Variants in DDX6 observed in about 807,000 individuals in gnomAD.
DDX6 encodes the protein probable ATP-dependent RNA helicase DDX6.
DDX6 carries 7 observed loss-of-function variants against 60.6 expected under a neutral mutation model. The observed-to-expected ratio is 0.12, with a 90% CI of 0.07 to 0.22. The LOEUF (loss-of-function observed/expected upper bound fraction) is 0.22, where lower values mean the gene tolerates loss of function less well. Among genes scored for constraint, DDX6 ranks in the 10% least tolerant of loss-of-function variants. DDX6 has a pLI of 1.00. For missense variants in DDX6, 270 were observed against 589.9 expected (o/e 0.46, Z 5.62); for synonymous variants, 207 against 201.0 (o/e 1.03, Z -0.25).
At chr11:118,784,027 G>A (rs1861991223) in intron 2 of DDX6, among the ~76,000 whole-genome samples, 1 of 145,726 alleles carries the variant, frequency 6.9e-6, no homozygotes, top group Admixed American at 7.1e-5. Context: ...AGTTGAGGCT[G>A]CAGTGAGCCA....
chr11:118,749,373 A>AAAAAAAAAAAAAC lies in DDX6; in HGVS notation c.*2731_*2732insGTTTTTTTTTTTT, dbSNP rs1860675373. On this transcript the variant is annotated 3_prime_UTR_variant, in exon 14 of 14. Transcript: ENST00000534980. ...AAAAAAGAAAGAAAAAAAAAAAAAAAAAAAAAAAGACCAGGCTTTGACCTA... is the reference window on the plus strand; with the variant it reads ...AAAAAAGAAAGAAAAAAAAAAAAAAAAAAAAAAAAAAACAAAAAAAAGACCAGGCTTTGACCTA... 1 of 149,872 alleles carries AAAAAAAAAAAAAC rather than the reference A, an allele frequency of 6.7e-6. No homozygotes were observed. The highest frequency in any genetic ancestry group is 1.5e-5 in the Non-Finnish European group (1 of 67,326). 9.3% of individuals were successfully genotyped at this position (149,872 alleles called of 1,614,324 possible).
chr11:118,781,016 T>C (rs1390289501), intron 3 of DDX6, 105 bp downstream of exon 3: 3 of 691,264 alleles, frequency 4.3e-6, no homozygotes, highest in Middle Eastern at 2.4e-4. Flanking sequence ...AGGGTGGCAG[T>C]GGTGTTATGG....
rs782743103 is a variant in DDX6 at position 118,762,273 on chromosome 11, CA to C, written c.741+938del. On this transcript the variant is annotated intron_variant, in intron 7 of 13. Coordinates refer to ENST00000534980, the MANE Select transcript of DDX6 (RefSeq NM_004397.6). ...TCTGGGTGACAGAGTGAGTCTGTCTCAAAAAAAAAAAAATAATAATAATAAT... is the reference window on the plus strand; with the variant it reads ...TCTGGGTGACAGAGTGAGTCTGTCTCAAAAAAAAAAAATAATAATAATAAT... Among the ~76,000 whole-genome samples, 1,189 of 131,830 alleles carry C rather than the reference CA, an allele frequency of 9.0e-3. 19 individuals are homozygous for C. The highest frequency in any genetic ancestry group is 0.031 in the African/African-American group (1,093 of 35,796). The allele number at this position is 131,830 out of a possible 152,430, so 86.5% of individuals were successfully genotyped here.
chr11:118,779,322 AAAC>A (rs1481531315), intron 4 of DDX6, among the ~76,000 whole-genome samples: 6 of 152,186 alleles, frequency 3.9e-5, no homozygotes, highest in African/African-American at 1.4e-4. Context: ...TAGAAGAAAA[AAAC>A]TGCTATAAAG....
At chr11:118,772,490 G>C (rs560146192) in intron 4 of DDX6, among the ~76,000 whole-genome samples, 27 of 152,182 alleles carry the variant, frequency 1.8e-4, no homozygotes, top group Non-Finnish European at 3.4e-4. Flanking sequence ...GGTTGTTTAG[G>C]GGTGTGGGAA....
chr11:118,783,511 T>C (rs1239584968), intron 2 of DDX6, among the ~76,000 whole-genome samples: 2 of 152,040 alleles, frequency 1.3e-5, no homozygotes, highest in African/African-American at 2.4e-5. Context: ...AAATAGAAAA[T>C]ATTCTCATAG....
chr11:118,781,196 A>G lies in DDX6; in HGVS notation c.201-12T>C. On this transcript the variant is annotated splice_polypyrimidine_tract_variant and intron_variant, in intron 2 of 13. Coordinates refer to ENST00000534980, the MANE Select transcript of DDX6 (RefSeq NM_004397.6). ...AGTCATCACCAGGTCTAGAGAGAAT[A>G]CAGTAAACTTGAAGTATCAAAATTC... 6.4e-7 allele frequency: 1 copy of G among 1,567,424 alleles called. No homozygotes were observed. Among genetic ancestry groups the G allele is most frequent in the Non-Finnish European group, 8.7e-7 (1 of 1,144,136 alleles).
intron 10 of DDX6, among the ~76,000 whole-genome samples, chr11:118,756,542 A>C (rs1860983742): frequency 6.6e-6 from 1 of 152,204 alleles, no homozygotes; most frequent in Non-Finnish European, 1.5e-5. Flanking sequence ...CAAAAAAGTC[A>C]TTTTTGTTAC....
chr11:118,779,228 AAAG>A (rs1468824548), intron 4 of DDX6, among the ~76,000 whole-genome samples: 8 of 152,122 alleles, frequency 5.3e-5, no homozygotes, highest in South Asian at 2.1e-4. Context: ...GATGTCATAA[AAAG>A]AAGAACAAAC....
intron 3 of DDX6, among the ~76,000 whole-genome samples, chr11:118,780,577 A>G (rs1591920689): frequency 6.6e-6 from 1 of 152,188 alleles, no homozygotes; most frequent in Non-Finnish European, 1.5e-5. Flanking sequence ...TCGGCCTCCC[A>G]AAGTGCTGGG....
rs142964083 is a variant in DDX6 at position 118,780,509 on chromosome 11, G to A, written c.264+612C>T. Among the ~76,000 whole-genome samples the A allele has an allele frequency of 8.9e-3, 1,355 of 152,228 alleles. 20 individuals are homozygous for A. The highest frequency in any genetic ancestry group is 0.031 in the African/African-American group (1,288 of 41,544). ...TTTTTGTATTTTTAGTAGAGACAGGGTTTCAACATGTTGGCCAGGCTGGTC... is the reference window on the plus strand; with the variant it reads ...TTTTTGTATTTTTAGTAGAGACAGGATTTCAACATGTTGGCCAGGCTGGTC... On this transcript the variant is annotated intron_variant, in intron 3 of 13. Transcript: ENST00000534980.
intron 2 of DDX6, among the ~76,000 whole-genome samples, chr11:118,785,682 TTAAC>T (rs1249856246): frequency 2.6e-5 from 4 of 152,228 alleles, no homozygotes; most frequent in East Asian, 1.9e-4. Flanking sequence ...TATCTGCTGT[TTAAC>T]TAGGGTAAGG....
intron 13 of DDX6, 115 bp downstream of exon 13, chr11:118,754,590 G>T: frequency 1.2e-6 from 1 of 854,116 alleles, no homozygotes. Flanking sequence ...ATGCTAGTGG[G>T]TATTTTACCC....
rs377362009 is a variant in DDX6 at position 118,781,112 on chromosome 11, C to G, written c.264+9G>C. ...CCATTATTCTACTTGTATTTTACAA[C>G]CAACTTACCGAAGTTTTGATTCTTA... On this transcript the variant is annotated intron_variant, in intron 3 of 13. Transcript: ENST00000534980. The G allele has an allele frequency of 1.9e-6, 3 of 1,584,404 alleles. No homozygotes were observed. Among genetic ancestry groups the G allele is most frequent in the Non-Finnish European group, 2.6e-6 (3 of 1,158,164 alleles).
At chr11:118,777,336 G>A (rs117062841) in intron 4 of DDX6, among the ~76,000 whole-genome samples, 1 of 152,076 alleles carries the variant, frequency 6.6e-6, no homozygotes, top group Non-Finnish European at 1.5e-5. Flanking sequence ...TATGTCTGTT[G>A]TCATCATTTA....
intron 8 of DDX6, among the ~76,000 whole-genome samples, chr11:118,759,640 GAAT>G (rs200476712): frequency 2.0e-5 from 3 of 152,206 alleles, no homozygotes; most frequent in East Asian, 3.9e-4. Flanking sequence ...TTTGTATATA[GAAT>G]AATACCGGAA....
rs371249416 is a variant in DDX6 at position 118,780,622 on chromosome 11, TCA to T, written c.264+497_264+498del. Among the ~76,000 whole-genome samples, 377 of 152,310 alleles carry T rather than the reference TCA, an allele frequency of 2.5e-3. 3 individuals are homozygous for T. Among genetic ancestry groups the T allele is most frequent in the African/African-American group, 8.6e-3 (357 of 41,570 alleles). On this transcript the variant is annotated intron_variant, in intron 3 of 13. Transcript: ENST00000534980. ...AAGAGCCACTGTGCCCGGCCCTTGG[TCA>T]CAGTCTCCTAAGGACTGGTGGAATA... is the stretch of plus-strand genomic sequence containing the variant.
At chr11:118,781,572 G>T (rs540044791) in intron 2 of DDX6, among the ~76,000 whole-genome samples, 2 of 151,938 alleles carry the variant, frequency 1.3e-5, no homozygotes, top group Admixed American at 1.3e-4. Flanking sequence ...CACCTGCCTC[G>T]GCCTCCCAAA....
At chr11:118,760,109 A>G in intron 7 of DDX6, 65 bp from the exon 8 acceptor site, 1 of 1,444,642 alleles carries the variant, frequency 6.9e-7, no homozygotes, top group Non-Finnish European at 9.4e-7. Flanking sequence ...TGGTTAATAC[A>G]TGGTCAAAGA....
Sources: allele counts gnomAD v4.1 joint callset (sites outside exome capture counted in the v4.1 genomes callset), GRCh38; gene constraint gnomAD v4.1.1; transcripts MANE v1.5; gene names NCBI Gene and HGNC (gene_info 2026-07-23, HGNC 2026-07-21).